CA10: variants seen among roughly 807,000 people sequenced by gnomAD.
The protein encoded by CA10 is carbonic anhydrase-related protein 10.
Under a neutral mutation model 44.2 loss-of-function variants are expected in CA10, and 14 were observed. The observed-to-expected ratio is 0.32, with a 90% CI of 0.21 to 0.50. The LOEUF is 0.50. Among genes scored for constraint, CA10 ranks in the 20% least tolerant of loss-of-function variants. CA10 has a pLI of 0.99. For missense variants in CA10, 350 were observed against 409.7 expected, an observed-to-expected ratio of 0.85 and a Z score of 1.26; for synonymous variants, 159 against 141.6, an observed-to-expected ratio of 1.12 and a Z score of -0.87.
At chr17:51,957,673 A>G (rs1280885694) in intron 2 of CA10, among the ~76,000 whole-genome samples, 3 of 152,188 alleles carry the variant, frequency 2.0e-5, no homozygotes, top group Non-Finnish European at 2.9e-5. Flanking sequence ...CCATGAAGTA[A>G]GAAAAATAAT....
At chr17:51,693,938 C>T (rs1278353375) in intron 4 of CA10, among the ~76,000 whole-genome samples, 3 of 152,196 alleles carry the variant, frequency 2.0e-5, no homozygotes, top group Admixed American at 2.0e-4. Context: ...GACACAGTGG[C>T]TCACACCTGT....
rs1906892330 is a variant in CA10, at chr17:51,800,657, T to G, written c.280-52839A>C. Among the ~76,000 whole-genome samples the G allele has an allele frequency of 3.3e-5, 5 of 152,148 alleles. No homozygotes were observed. In the South Asian group the frequency reaches 1.0e-3, roughly 32 times the overall value. On this transcript the variant is annotated intron_variant, in intron 3 of 8. Coordinates refer to ENST00000451037, the MANE Select transcript of CA10 (RefSeq NM_020178.5). ...TATTTAATATACAACAAGAAAAACA[T>G]TACCAAGTTAACTATGACAGATCAT... is the stretch of plus-strand genomic sequence containing the variant.
Position 51,710,576 on chromosome 17 carries a change from G to GAGGTGGGA in CA10, c.465+37049_465+37056dup, listed in dbSNP as rs766783386. Among the ~76,000 whole-genome samples, 12 of 152,204 alleles carry GAGGTGGGA rather than the reference G, an allele frequency of 7.9e-5. No individual in the cohort carries two copies. The South Asian group carries it at 8.3e-4, about 11-fold the overall frequency. On this transcript the variant is annotated intron_variant, in intron 4 of 8. Transcript: ENST00000451037. The stretch of plus-strand genomic sequence containing the variant: ...GCCTTTGCCTGGGGTGTTACCACAG[G>GAGGTGGGA]AGGTGGGAGTTTGGGGGTAATTTTT...
At chr17:52,128,595 C>T (rs1457361099) in intron 1 of CA10, among the ~76,000 whole-genome samples, 5 of 152,132 alleles carry the variant, frequency 3.3e-5, no homozygotes, top group African/African-American at 7.2e-5. Context: ...CATTCTCACA[C>T]GACACCACTG....
At chr17:51,820,419 G>GGCC (rs1264088597) in intron 3 of CA10, among the ~76,000 whole-genome samples, 1 of 23,446 alleles carries the variant, frequency 4.3e-5, no homozygotes, top group African/African-American at 2.4e-4. Context: ...CCCCCCCCCC[G>GGCC]CCCGCCGATT....
chr17:51,776,923 C>CT (rs1029387856), intron 3 of CA10, among the ~76,000 whole-genome samples: 9 of 152,144 alleles, frequency 5.9e-5, no homozygotes, highest in African/African-American at 1.9e-4. Context: ...CCAGGCCTGC[C>CT]TGCGATTGGG....
At chr17:52,072,678 T>TACACACACACACACACACAC (rs58984767) in intron 1 of CA10, among the ~76,000 whole-genome samples, 19 of 140,100 alleles carry the variant, frequency 1.4e-4, no homozygotes, top group African/African-American at 4.9e-4. Flanking sequence ...ATCTTCCCCA[T>TACACACACACACACACACAC]ACACACACAC....
At chr17:51,900,652 A>T (rs766738689) in intron 3 of CA10, among the ~76,000 whole-genome samples, 6 of 152,144 alleles carry the variant, frequency 3.9e-5, no homozygotes, top group Non-Finnish European at 7.4e-5. Flanking sequence ...TCTCTCTTTC[A>T]GGGATGCCAG....
intron 2 of CA10, among the ~76,000 whole-genome samples, chr17:52,022,117 C>T (rs1986160789): frequency 6.6e-6 from 1 of 152,140 alleles, no homozygotes; most frequent in African/African-American, 2.4e-5. Context: ...AAATCAGCAT[C>T]AGCTCAACAT....
At chr17:51,698,850 C>G (rs1915489669) in intron 4 of CA10, among the ~76,000 whole-genome samples, 1 of 152,164 alleles carries the variant, frequency 6.6e-6, no homozygotes, top group Non-Finnish European at 1.5e-5. Context: ...AGCCTAATGT[C>G]TTCCAGGTTC....
intron 3 of CA10, 27 bp from the exon 4 acceptor site, chr17:51,747,845 G>C: frequency 6.4e-7 from 1 of 1,569,876 alleles, no homozygotes; most frequent in Non-Finnish European, 8.7e-7. Flanking sequence ...AACAGGTCAA[G>C]CAAGGCCCTC....
intron 1 of CA10, among the ~76,000 whole-genome samples, chr17:52,119,560 A>G (rs1013793421): frequency 5.9e-5 from 9 of 152,138 alleles, no homozygotes; most frequent in Non-Finnish European, 1.5e-5. Flanking sequence ...CAGGTATTTG[A>G]GGGTACAAAC....
rs115486318 is a variant in CA10 at position 51,710,808 on chromosome 17, C to T, written c.465+36825G>A. On this transcript the variant is annotated intron_variant, in intron 4 of 8. Transcript: ENST00000451037. ...CACAGTCTCTTCCTGGGGCTGGCTC[C>T]GCGATTTCAAAAACATAGACAAATT... Among the ~76,000 whole-genome samples the T allele has an allele frequency of 7.9e-3, 1,199 of 152,012 alleles. 13 individuals are homozygous for T. Among genetic ancestry groups the T allele is most frequent in the African/African-American group, 0.027 (1,100 of 41,442 alleles).
At chr17:52,092,670 CTT>C (rs1444832134) in intron 1 of CA10, among the ~76,000 whole-genome samples, 2 of 152,162 alleles carry the variant, frequency 1.3e-5, no homozygotes, top group Admixed American at 6.5e-5. Context: ...TGCCAGCTCT[CTT>C]TTTCACTTCC....
intron 2 of CA10, among the ~76,000 whole-genome samples, chr17:52,063,193 C>T (rs1987437702): frequency 6.6e-6 from 1 of 152,168 alleles, no homozygotes; most frequent in South Asian, 2.1e-4. Context: ...GAATGTTTAC[C>T]TAATGCCTAT....
chr17:51,949,793 A>G (rs1023796045), intron 2 of CA10, among the ~76,000 whole-genome samples: 4 of 152,134 alleles, frequency 2.6e-5, no homozygotes, highest in Non-Finnish European at 5.9e-5. Flanking sequence ...ATCTGTGAAG[A>G]TGGACATTGG....
intron 3 of CA10, among the ~76,000 whole-genome samples, chr17:51,767,296 A>C (rs2693524): frequency 1 from 152,304 of 152,304 alleles, 76,152 homozygotes; most frequent in Non-Finnish European, 1. Context: ...ATCTCACATT[A>C]TTTTTAGTAC....
At chr17:52,060,017 A>G (rs1015950380) in intron 2 of CA10, among the ~76,000 whole-genome samples, 3 of 152,176 alleles carry the variant, frequency 2.0e-5, no homozygotes, top group African/African-American at 7.2e-5. Context: ...ATCAATCTCT[A>G]GCCTTGTTGA....
chr17:52,152,734 G>T (rs1989729133), intron 1 of CA10, among the ~76,000 whole-genome samples: 1 of 151,946 alleles, frequency 6.6e-6, no homozygotes, highest in South Asian at 2.1e-4. Flanking sequence ...CTTAAGTATG[G>T]ATCATATATA....
Sources: gnomAD v4.1 joint callset for allele counts (sites outside exome capture counted in the v4.1 genomes callset) on GRCh38, gnomAD v4.1.1 for gene constraint, MANE v1.5 for transcripts, NCBI Gene and HGNC (gene_info 2026-07-23, HGNC 2026-07-21) for gene names.